Variants in CNTNAP2 observed in about 807,000 individuals in gnomAD.
The protein encoded by CNTNAP2 is contactin associated protein 2.
In CNTNAP2, 98 loss-of-function variants were observed where a neutral mutation model predicts 155.2. That is an observed-to-expected ratio of 0.63 (90% CI 0.54 to 0.75). CNTNAP2 has a LOEUF of 0.75. CNTNAP2 is among the 30% of genes least tolerant of loss of function. The pLI, the probability that CNTNAP2 is intolerant of heterozygous loss-of-function variation, is 0.00. For missense variants in CNTNAP2, 1,727 were observed against 1,688.1 expected (o/e 1.02, Z -0.40); for synonymous variants, 651 against 631.2 (o/e 1.03, Z -0.47).
chr7:147,744,484 T>C (rs992481028), intron 13 of CNTNAP2, among the ~76,000 whole-genome samples: 7 of 152,262 alleles, frequency 4.6e-5, no homozygotes, highest in African/African-American at 1.7e-4. Flanking sequence ...TCCTTCATGC[T>C]ATGCTAGACT....
At position 147,132,388 on chromosome 7, in the gene CNTNAP2, C is replaced by A. The variant is rs756898951; in HGVS notation, c.1227C>A (p.Leu409=). The A allele has an allele frequency of 1.5e-5, 25 of 1,613,558 alleles. No individual in the cohort carries two copies. The highest frequency in any genetic ancestry group is 2.1e-5 in the Non-Finnish European group (25 of 1,179,824). Residue 409 remains leucine, a synonymous_variant, in exon 8 of 24, where the codon CTC becomes CTA. Transcript: ENST00000361727. ...FQFRTWNPNG[L]LVFSHFADNL... is the part of the protein sequence containing the mutation. ...TTAGGACATGGAACCCCAATGGTCT[C>A]CTGGTCTTCAGTCACTTTGCGGATA...
intron 19 of CNTNAP2, among the ~76,000 whole-genome samples, chr7:148,229,385 C>T (rs994604178): frequency 5.9e-5 from 9 of 152,018 alleles, no homozygotes; most frequent in African/African-American, 1.2e-4. Context: ...ATTAGCCAGG[C>T]GTGGTGGCAG....
intron 1 of CNTNAP2, among the ~76,000 whole-genome samples, chr7:146,398,606 C>T (rs1584906672): frequency 1.3e-5 from 2 of 152,146 alleles, no homozygotes; most frequent in East Asian, 3.9e-4. Flanking sequence ...TGAAGCTAAA[C>T]ACTTCTTTGA....
intron 15 of CNTNAP2, among the ~76,000 whole-genome samples, chr7:148,060,755 C>T (rs1256796683): frequency 6.6e-6 from 1 of 152,124 alleles, no homozygotes; most frequent in Admixed American, 6.5e-5. Context: ...GCTAACTATG[C>T]CTTTTTGTTA....
intron 1 of CNTNAP2, among the ~76,000 whole-genome samples, chr7:146,567,107 T>C (rs1798369082): frequency 6.6e-6 from 1 of 152,084 alleles, no homozygotes; most frequent in African/African-American, 2.4e-5. Flanking sequence ...ATGACAAAAA[T>C]GAAATTGAGA....
chr7:146,569,001 T>C (rs543313226), intron 1 of CNTNAP2, among the ~76,000 whole-genome samples: 9 of 151,532 alleles, frequency 5.9e-5, no homozygotes, highest in Non-Finnish European at 1.2e-4. Context: ...TTATTTTTTT[T>C]ATTTTTAATT....
chr7:148,072,979 A>T (rs1441895152), intron 15 of CNTNAP2, among the ~76,000 whole-genome samples: 1 of 152,138 alleles, frequency 6.6e-6, no homozygotes, highest in African/African-American at 2.4e-5. Context: ...AAGTACTGGG[A>T]TTACAGGTGT....
rs1277150628 is a variant in CNTNAP2 at position 146,908,214 on chromosome 7, A to T, written c.402+68310A>T. 2.6e-5 allele frequency among the ~76,000 whole-genome samples: 4 copies of T among 152,128 alleles called. No individual in the cohort carries two copies. In the East Asian group the frequency reaches 7.7e-4, roughly 29 times the overall value. On this transcript the variant is annotated intron_variant, in intron 3 of 23. Coordinates refer to ENST00000361727, the MANE Select transcript of CNTNAP2 (RefSeq NM_014141.6). ...AACATTAATAATGGGAGACTTTAACACCGCACTGTCAACATTAGACAGATC... is the reference window on the plus strand; with the variant it reads ...AACATTAATAATGGGAGACTTTAACTCCGCACTGTCAACATTAGACAGATC...
chr7:147,185,196 A>G (rs1802539956), intron 8 of CNTNAP2, among the ~76,000 whole-genome samples: 1 of 152,198 alleles, frequency 6.6e-6, no homozygotes, highest in Non-Finnish European at 1.5e-5. Context: ...GAAAGAAGTA[A>G]TATAAATAAG....
chr7:148,358,875 A>G lies in CNTNAP2; in HGVS notation c.3476-24774A>G, dbSNP rs151029392. On this transcript the variant is annotated intron_variant, in intron 21 of 23. Coordinates refer to ENST00000361727, the MANE Select transcript of CNTNAP2 (RefSeq NM_014141.6). ...TGCTCAGCCTAGGGCCCTGCATAAAATGTGCACTTAAGACATCAGTTACTT... is the reference window on the plus strand; with the variant it reads ...TGCTCAGCCTAGGGCCCTGCATAAAGTGTGCACTTAAGACATCAGTTACTT... 1.7e-3 allele frequency among the ~76,000 whole-genome samples: 258 copies of G among 152,324 alleles called. 1 individual carries two copies. Among genetic ancestry groups the G allele is most frequent in the African/African-American group, 5.8e-3 (242 of 41,580 alleles).
intron 20 of CNTNAP2, among the ~76,000 whole-genome samples, chr7:148,242,579 CT>C (rs1796178569): frequency 6.6e-6 from 1 of 152,250 alleles, no homozygotes; most frequent in Admixed American, 6.5e-5. Flanking sequence ...GCGCGGGTTA[CT>C]TGCATCTGTC....
rs56287346 is a variant in CNTNAP2 at position 146,322,634 on chromosome 7, C to CTTTTTTTTTTTTTTTTTTT, written c.97+205679_97+205680insTTTTTTTTTTTTTTTTTTT. 4.2e-4 allele frequency among the ~76,000 whole-genome samples: 27 copies of CTTTTTTTTTTTTTTTTTTT among 64,958 alleles called. 1 individual carries two copies. Among genetic ancestry groups the CTTTTTTTTTTTTTTTTTTT allele is most frequent in the East Asian group, 6.3e-4 (1 of 1,594 alleles). The allele number at this position is 64,958 out of a possible 152,430, so 42.6% of individuals were successfully genotyped here. A position where few individuals can be genotyped will look rare whatever the true frequency, so the allele number is the denominator to read the frequency against. ...AAGAGGAGACTGTTGTGTTCATTCTCTTTTTTTTTTTTTTTTTTGCTGGCT... is the reference window on the plus strand; with the variant it reads ...AAGAGGAGACTGTTGTGTTCATTCTCTTTTTTTTTTTTTTTTTTTTTTTTTTTTTTTTTTTTTGCTGGCT... On this transcript the variant is annotated intron_variant, in intron 1 of 23. Transcript: ENST00000361727.
At chr7:146,698,210 G>T (rs1800814386) in intron 1 of CNTNAP2, among the ~76,000 whole-genome samples, 1 of 151,548 alleles carries the variant, frequency 6.6e-6, no homozygotes, top group Non-Finnish European at 1.5e-5. Context: ...TATCCTCTAA[G>T]AACCAAAAAA....
intron 8 of CNTNAP2, among the ~76,000 whole-genome samples, chr7:147,140,762 C>A (rs1051878587): frequency 2.0e-5 from 3 of 152,132 alleles, no homozygotes; most frequent in Non-Finnish European, 4.4e-5. Flanking sequence ...GAGAGACCTG[C>A]ATCTGTAATG....
intron 15 of CNTNAP2, among the ~76,000 whole-genome samples, chr7:147,991,294 A>G (rs771367283): frequency 2.0e-5 from 3 of 152,220 alleles, no homozygotes; most frequent in Non-Finnish European, 4.4e-5. Flanking sequence ...ACATGTGTTC[A>G]TTAAATTAAT....
intron 1 of CNTNAP2, among the ~76,000 whole-genome samples, chr7:146,353,670 G>A (rs1312718571): frequency 1.3e-5 from 2 of 152,092 alleles, no homozygotes; most frequent in Non-Finnish European, 2.9e-5. Flanking sequence ...AAGCATGACA[G>A]TCAAGCTCCT....
intron 15 of CNTNAP2, among the ~76,000 whole-genome samples, chr7:148,076,111 G>T (rs774479606): frequency 6.6e-6 from 1 of 152,088 alleles, no homozygotes; most frequent in Non-Finnish European, 1.5e-5. Flanking sequence ...AGAAAACCTA[G>T]AATTAAATGA....
intron 9 of CNTNAP2, among the ~76,000 whole-genome samples, chr7:147,366,480 G>A (rs1435790236): frequency 6.6e-6 from 1 of 151,448 alleles, no homozygotes; most frequent in African/African-American, 2.4e-5. Flanking sequence ...TATTTCAGTA[G>A]AGTATAAATT....
intron 8 of CNTNAP2, among the ~76,000 whole-genome samples, chr7:147,230,197 A>T (rs925460578): frequency 1.3e-5 from 2 of 152,052 alleles, no homozygotes; most frequent in Non-Finnish European, 2.9e-5. Context: ...GGAGGATTTA[A>T]TCTTTCATCT....
Sources: allele counts gnomAD v4.1 joint callset (sites outside exome capture counted in the v4.1 genomes callset), GRCh38; gene constraint gnomAD v4.1.1; transcripts MANE v1.5; gene names NCBI Gene and HGNC (gene_info 2026-07-23, HGNC 2026-07-21).